Variants in PTPRD observed in about 807,000 individuals in gnomAD.
PTPRD encodes receptor-type tyrosine-protein phosphatase delta.
A neutral mutation model predicts 214.5 loss-of-function variants in PTPRD; 34 were observed. The ratio of observed to expected loss-of-function variants is 0.16; its 90% CI spans 0.12 to 0.21. PTPRD has a LOEUF of 0.21. Ranked by LOEUF, PTPRD falls within the 10% of genes least tolerant of loss-of-function variation. The probability of loss-of-function intolerance (pLI) is 1.00; values close to 1 mark genes in which losing one functional copy is unlikely to be tolerated. For synonymous variants in PTPRD, 1,128 were observed against 845.7 expected, an observed-to-expected ratio of 1.33 and a Z score of -5.79; for missense variants, 2,545 against 2,398.7, an observed-to-expected ratio of 1.06 and a Z score of -1.27.
chr9:8,554,187 CAAACAAAACA>C (rs770760077), intron 14 of PTPRD, among the ~76,000 whole-genome samples: 1 of 151,768 alleles, frequency 6.6e-6, no homozygotes, highest in East Asian at 1.9e-4. Context: ...GACTCTGTCT[CAAACAAAACA>C]AAACAAAACA....
chr9:9,070,030 G>C (rs891513115), intron 10 of PTPRD, among the ~76,000 whole-genome samples: 4 of 152,170 alleles, frequency 2.6e-5, no homozygotes, highest in Non-Finnish European at 4.4e-5. Flanking sequence ...TATTTCCCTA[G>C]TTGTTTCCTC....
intron 9 of PTPRD, among the ~76,000 whole-genome samples, chr9:9,305,088 T>G (rs12344759): frequency 0.11 from 16,449 of 150,680 alleles, 1,140 homozygotes; most frequent in Non-Finnish European, 0.16. Flanking sequence ...TTCTGGAAAT[T>G]GGTGGAAAAT....
chr9:9,309,117 C>A (rs934107023), intron 9 of PTPRD, among the ~76,000 whole-genome samples: 2 of 151,896 alleles, frequency 1.3e-5, no homozygotes, highest in Non-Finnish European at 2.9e-5. Context: ...GAAAATCTTT[C>A]CTCCTTCAAA....
chr9:10,484,828 C>CTT, intron 2 of PTPRD, among the ~76,000 whole-genome samples: 1 of 151,932 alleles, frequency 6.6e-6, no homozygotes, highest in African/African-American at 2.4e-5. Flanking sequence ...TGTCTCTTCA[C>CTT]TTTTTTTTCC....
rs188068391 is a variant in PTPRD, at chr9:8,550,075, C to G, written c.353-21296G>C. On this transcript the variant is annotated intron_variant, in intron 14 of 45. Transcript: ENST00000381196. ...GGGAATCAGTCAGAATTGAAAAGAA[C>G]AAATAGAAGACTTGTTTAGTTTTTA... Among the ~76,000 whole-genome samples the G allele has an allele frequency of 5.9e-4, 90 of 152,164 alleles. No homozygotes were observed. The Middle Eastern group carries it at 0.01, about 17-fold the overall frequency.
chr9:8,804,774 A>G (rs2096642528), intron 11 of PTPRD, among the ~76,000 whole-genome samples: 1 of 152,182 alleles, frequency 6.6e-6, no homozygotes, highest in Non-Finnish European at 1.5e-5. Flanking sequence ...TGAAGAAATA[A>G]GAGTAACTGC....
chr9:10,591,957 T>A (rs2075564062), intron 2 of PTPRD, among the ~76,000 whole-genome samples: 1 of 152,130 alleles, frequency 6.6e-6, no homozygotes, highest in Admixed American at 6.5e-5. Context: ...ATTGCAGCCT[T>A]GTAAGAGATT....
chr9:10,511,572 T>A (rs1183869436), intron 2 of PTPRD, among the ~76,000 whole-genome samples: 1 of 80,558 alleles, frequency 1.2e-5, no homozygotes, highest in Non-Finnish European at 3.2e-5. Context: ...CCCTGGTATT[T>A]TTTTTTTTTT....
chr9:9,693,515 G>T (rs767080923), intron 7 of PTPRD, among the ~76,000 whole-genome samples: 1 of 152,068 alleles, frequency 6.6e-6, no homozygotes, highest in Non-Finnish European at 1.5e-5. Context: ...CTCAGTCATG[G>T]TCTGTTCTTT....
chr9:9,714,232 T>C (rs1395633950), intron 7 of PTPRD, among the ~76,000 whole-genome samples: 1 of 152,176 alleles, frequency 6.6e-6, no homozygotes, highest in African/African-American at 2.4e-5. Context: ...CTATAGCACA[T>C]GTTGTCTTGT....
At chr9:9,556,844 G>A (rs2081635132) in intron 8 of PTPRD, among the ~76,000 whole-genome samples, 1 of 151,988 alleles carries the variant, frequency 6.6e-6, no homozygotes, top group African/African-American at 2.4e-5. Flanking sequence ...TGCCTTGCAG[G>A]GTCCTTTCGT....
chr9:9,838,896 T>G (rs1432411570), intron 5 of PTPRD, among the ~76,000 whole-genome samples: 1 of 152,160 alleles, frequency 6.6e-6, no homozygotes, highest in Non-Finnish European at 1.5e-5. Context: ...TTTTATGGTT[T>G]TAGGTCTAAT....
intron 9 of PTPRD, among the ~76,000 whole-genome samples, chr9:9,206,171 C>T (rs895630203): frequency 3.9e-5 from 6 of 152,088 alleles, no homozygotes; most frequent in Non-Finnish European, 7.4e-5. Flanking sequence ...AACAAGGTGA[C>T]CAGTGTTGCT....
chr9:9,500,108 C>T (rs2096357583), intron 8 of PTPRD, among the ~76,000 whole-genome samples: 2 of 152,076 alleles, frequency 1.3e-5, no homozygotes, highest in African/African-American at 4.8e-5. Context: ...TCCTCCATTT[C>T]TCAGTTGCTT....
intron 4 of PTPRD, among the ~76,000 whole-genome samples, chr9:9,957,584 C>T (rs1021173105): frequency 6.6e-6 from 1 of 152,026 alleles, no homozygotes; most frequent in Non-Finnish European, 1.5e-5. Flanking sequence ...CTAATGCCAT[C>T]ACCACCATAG....
At chr9:9,794,749 A>G (rs1292862065) in intron 5 of PTPRD, among the ~76,000 whole-genome samples, 2 of 152,228 alleles carry the variant, frequency 1.3e-5, no homozygotes, top group Non-Finnish European at 2.9e-5. Flanking sequence ...TCTGTCTGGA[A>G]TCAAACCTGT....
chr9:8,923,716 G>A (rs756458592), intron 11 of PTPRD, among the ~76,000 whole-genome samples: 26 of 152,168 alleles, frequency 1.7e-4, no homozygotes, highest in Non-Finnish European at 3.2e-4. Context: ...TCCAAGTATT[G>A]TCCATTTCGT....
intron 4 of PTPRD, among the ~76,000 whole-genome samples, chr9:9,964,497 C>T (rs1254008267): frequency 6.6e-6 from 1 of 152,016 alleles, no homozygotes; most frequent in Non-Finnish European, 1.5e-5. Flanking sequence ...TAGTTTCCTT[C>T]GCAGGAAAAA....
chr9:9,265,639 A>G (rs1464158819), intron 9 of PTPRD, among the ~76,000 whole-genome samples: 1 of 151,546 alleles, frequency 6.6e-6, no homozygotes, highest in Non-Finnish European at 1.5e-5. Flanking sequence ...GTTGTTATCA[A>G]CTTGAAATAG....
Sources: allele counts gnomAD v4.1 joint callset (sites outside exome capture counted in the v4.1 genomes callset), GRCh38; gene constraint gnomAD v4.1.1; transcripts MANE v1.5; gene names NCBI Gene and HGNC (gene_info 2026-07-23, HGNC 2026-07-21).